Variants in RAP1GAP2 observed in about 807,000 individuals in gnomAD.
RAP1GAP2 encodes RAP1 GTPase activating protein 2, also known as rap1 GTPase-activating protein 2.
RAP1GAP2 carries 27 observed loss-of-function variants against 95.0 expected under a neutral mutation model. That is an observed-to-expected ratio of 0.28 (90% CI 0.21 to 0.39). The LOEUF (loss-of-function observed/expected upper bound fraction) is 0.39, where lower values mean the gene tolerates loss of function less well. RAP1GAP2 is among the 10% of genes least tolerant of loss of function. The pLI is 1.00. For synonymous variants in RAP1GAP2, 373 were observed against 380.9 expected (o/e 0.98, Z 0.24); for missense variants, 771 against 970.0 (o/e 0.79, Z 2.72).
rs2043590284 is a variant in RAP1GAP2 at position 2,943,679 on chromosome 17, A to AAAC, written c.166-14078_166-14077insCAA. On this transcript the variant is annotated intron_variant, in intron 3 of 24. Coordinates refer to ENST00000254695, the MANE Select transcript of RAP1GAP2 (RefSeq NM_015085.5). ...GACTCTGTCTCCAAAACAAACAAAC[A>AAAC]AAAAAAAACAAACAAAAACCAAACA... is the stretch of plus-strand genomic sequence containing the variant. 0.011 allele frequency among the ~76,000 whole-genome samples: 3 copies of AAAC among 282 alleles called. No individual in the cohort carries two copies. In the African/African-American group the frequency reaches 0.12, roughly 12 times the overall value. 0.2% of individuals were successfully genotyped at this position (282 alleles called of 152,430 possible). A position where few individuals can be genotyped will look rare whatever the true frequency, so the allele number is the denominator to read the frequency against.
intron 1 of RAP1GAP2, among the ~76,000 whole-genome samples, chr17:2,763,274 C>G (rs1042968769): frequency 6.6e-6 from 1 of 152,132 alleles, no homozygotes; most frequent in Non-Finnish European, 1.5e-5. Flanking sequence ...GCTTCGAAGA[C>G]CAGAGGGCTG....
At chr17:2,939,162 C>T (rs1265508666) in intron 3 of RAP1GAP2, among the ~76,000 whole-genome samples, 1 of 152,090 alleles carries the variant, frequency 6.6e-6, no homozygotes, top group South Asian at 2.1e-4. Flanking sequence ...ACAGTCTTGG[C>T]TCACTGCAAT....
intron 1 of RAP1GAP2, among the ~76,000 whole-genome samples, chr17:2,790,065 C>T (rs538059762): frequency 6.6e-6 from 1 of 151,606 alleles, no homozygotes; most frequent in Non-Finnish European, 1.5e-5. Context: ...CCTGAATGCC[C>T]ACTGTGCCCT....
intron 2 of RAP1GAP2, among the ~76,000 whole-genome samples, chr17:2,824,140 A>G (rs1415379566): frequency 7.2e-6 from 1 of 139,494 alleles, no homozygotes; most frequent in African/African-American, 2.7e-5. Flanking sequence ...AAAAAAAGAA[A>G]GAAAGAAAAA....
In RAP1GAP2 at chr17:2,827,812, A is replaced by G. The variant is rs1487097255; in HGVS notation, c.80+27262A>G. 1.7e-5 allele frequency among the ~76,000 whole-genome samples: 1 copy of G among 59,216 alleles called. No individual in the cohort carries two copies. Among genetic ancestry groups the G allele is most frequent in the East Asian group, 4.4e-4 (1 of 2,272 alleles). 38.8% of individuals were successfully genotyped at this position (59,216 alleles called of 152,430 possible). Reference sequence around the variant, plus strand: ...TTGCTTTTTATCAGCTTCCTATTAGAAAAAAAAAAAATCCCCTTGAAAAAC... The same window carrying G: ...TTGCTTTTTATCAGCTTCCTATTAGGAAAAAAAAAAATCCCCTTGAAAAAC... On this transcript the variant is annotated intron_variant, in intron 2 of 24. Coordinates refer to ENST00000254695, the MANE Select transcript of RAP1GAP2 (RefSeq NM_015085.5). This position sits in a 1 kb window ranked among gnomAD's most constrained non-coding sequence, Gnocchi z 4.1.
intron 2 of RAP1GAP2, among the ~76,000 whole-genome samples, chr17:2,816,777 C>G (rs2070046948): frequency 8.3e-6 from 1 of 120,696 alleles, no homozygotes; most frequent in Non-Finnish European, 2.0e-5. Flanking sequence ...ACTGAAACTT[C>G]GTATACATTA....
Position 2,968,727 on chromosome 17 carries a change from G to A in RAP1GAP2, c.596+3084G>A, listed in dbSNP as rs189784456. ...TAATAAATATAAATGACTTAAATTC[G>A]ATTGTTAACAAAGATTCTCGATTTG... On this transcript the variant is annotated intron_variant, in intron 8 of 24. Coordinates refer to ENST00000254695, the MANE Select transcript of RAP1GAP2 (RefSeq NM_015085.5). 2.5e-4 allele frequency among the ~76,000 whole-genome samples: 38 copies of A among 152,114 alleles called. 2 individuals are homozygous for A. The highest frequency in any genetic ancestry group is 4.6e-4 in the Admixed American group (7 of 15,278).
At chr17:2,920,419 A>G (rs1023851650) in intron 3 of RAP1GAP2, among the ~76,000 whole-genome samples, 2 of 151,922 alleles carry the variant, frequency 1.3e-5, no homozygotes, top group Admixed American at 1.3e-4. Flanking sequence ...AAGCCTGACC[A>G]GCCATCCCAC....
At chr17:3,020,239 T>A (rs2046909956) in intron 18 of RAP1GAP2, among the ~76,000 whole-genome samples, 2 of 152,188 alleles carry the variant, frequency 1.3e-5, no homozygotes, top group South Asian at 4.1e-4. Context: ...AGTTGTGGTC[T>A]TTGGTGGATC....
rs779071467 is a variant in RAP1GAP2, at chr17:3,005,572, A to ACCT, written c.1272+136_1272+138dup. 3.5e-4 allele frequency: 366 copies of ACCT among 1,051,026 alleles called. 1 individual carries two copies. The highest frequency in any genetic ancestry group is 8.4e-4 in the Admixed American group (48 of 57,036). 65.1% of individuals were successfully genotyped at this position (1,051,026 alleles called of 1,614,324 possible). On this transcript the variant is annotated intron_variant, in intron 15 of 24. Transcript: ENST00000254695. The surrounding 1 kb of genome is among the most constrained non-coding windows in gnomAD (Gnocchi z 5.2). ...GCTCCTTTTGCAGGTTTTGGGGGGAACCTCCTTTCTTGGGGTCTCTCCCCA... is the reference window on the plus strand; with the variant it reads ...GCTCCTTTTGCAGGTTTTGGGGGGAACCTCCTCCTTTCTTGGGGTCTCTCCCCA...
chr17:2,829,210 C>A (rs950193019), intron 2 of RAP1GAP2, among the ~76,000 whole-genome samples: 2 of 152,084 alleles, frequency 1.3e-5, no homozygotes, highest in East Asian at 3.9e-4. Context: ...TCTCAAACTC[C>A]TGACCTCAGG....
chr17:2,798,961 A>T (rs1162321165), intron 1 of RAP1GAP2, among the ~76,000 whole-genome samples: 1 of 152,218 alleles, frequency 6.6e-6, no homozygotes, highest in Non-Finnish European at 1.5e-5. Context: ...CACCTTGACC[A>T]TTGAGGAACT....
At chr17:2,986,146 G>A (rs1355571927) in intron 11 of RAP1GAP2, among the ~76,000 whole-genome samples, 1 of 152,118 alleles carries the variant, frequency 6.6e-6, no homozygotes, top group Non-Finnish European at 1.5e-5. Context: ...TTGCATGATG[G>A]TATCTTTCTT....
At chr17:2,917,438 T>G (rs959493032) in intron 3 of RAP1GAP2, among the ~76,000 whole-genome samples, 2 of 151,942 alleles carry the variant, frequency 1.3e-5, no homozygotes, top group Non-Finnish European at 2.9e-5. Context: ...GCCCAGCTAA[T>G]TTTATATTTT....
At chr17:3,030,776 C>T (rs1018881595) in intron 22 of RAP1GAP2, 146 bp from the exon 23 acceptor site, 23 of 674,422 alleles carry the variant, frequency 3.4e-5, no homozygotes, top group South Asian at 9.1e-5. Context: ...AGTTGGCTCT[C>T]GTGGGTCGGC....
At chr17:2,976,717 C>A (rs1358751393) in intron 8 of RAP1GAP2, among the ~76,000 whole-genome samples, 1 of 151,594 alleles carries the variant, frequency 6.6e-6, no homozygotes, top group African/African-American at 2.4e-5. Context: ...AAATAGGAAG[C>A]AAAAATAAAA....
chr17:2,918,503 G>A (rs1017172157), intron 3 of RAP1GAP2, among the ~76,000 whole-genome samples: 1 of 151,784 alleles, frequency 6.6e-6, no homozygotes, highest in Admixed American at 6.6e-5. Context: ...GCAGCAGGAT[G>A]CTGACATCTG....
intron 2 of RAP1GAP2, among the ~76,000 whole-genome samples, chr17:2,869,948 C>T (rs893409132): frequency 2.6e-5 from 4 of 152,086 alleles, no homozygotes; most frequent in Non-Finnish European, 4.4e-5. Context: ...TTTGTGACCA[C>T]AATGTGGATG....
intron 2 of RAP1GAP2, among the ~76,000 whole-genome samples, chr17:2,888,521 G>A (rs1262015495): frequency 7.2e-5 from 11 of 152,150 alleles, no homozygotes; most frequent in Non-Finnish European, 1.5e-5. Flanking sequence ...CACAGTGTGT[G>A]TGTTTCTGTG....
Sources: gnomAD v4.1 joint callset for allele counts (sites outside exome capture counted in the v4.1 genomes callset) on GRCh38, gnomAD v4.1.1 for gene constraint, Gnocchi (gnomAD v3.1) non-coding constraint, MANE v1.5 for transcripts, NCBI Gene and HGNC (gene_info 2026-07-23, HGNC 2026-07-21) for gene names.